Variants in HIRA observed in about 807,000 individuals in gnomAD.
The protein encoded by HIRA is protein HIRA.
A neutral mutation model predicts 126.6 loss-of-function variants in HIRA; 13 were observed. That is an observed-to-expected ratio of 0.10 (90% CI 0.07 to 0.16). The LOEUF (loss-of-function observed/expected upper bound fraction) is 0.16. Among genes scored for constraint, HIRA ranks in the 10% least tolerant of loss-of-function variants. The pLI, the probability that HIRA is intolerant of heterozygous loss-of-function variation, is 1.00. For synonymous variants in HIRA, 511 were observed against 520.0 expected, an observed-to-expected ratio of 0.98 and a Z score of 0.24; for missense variants, 834 against 1,314.4, an observed-to-expected ratio of 0.63 and a Z score of 5.65.
chr22:19,376,463 C>T (rs1393830015), intron 14 of HIRA, among the ~76,000 whole-genome samples: 2 of 152,176 alleles, frequency 1.3e-5, no homozygotes, highest in African/African-American at 4.8e-5. Context: ...CTAACACCTT[C>T]CACTCCTATC....
chr22:19,406,031 T>G (rs1393497241), intron 4 of HIRA, 151 bp from the exon 5 acceptor site: 5 of 425,750 alleles, frequency 1.2e-5, no homozygotes, highest in Non-Finnish European at 1.7e-5. Context: ...AAGGGGCTGG[T>G]TAGGTGAATT....
chr22:19,395,248 G>C (rs953806053), intron 7 of HIRA, among the ~76,000 whole-genome samples: 2 of 152,282 alleles, frequency 1.3e-5, no homozygotes, highest in Non-Finnish European at 2.9e-5. Context: ...TTAAGATCAT[G>C]ACCTCACAGC....
intron 13 of HIRA, among the ~76,000 whole-genome samples, chr22:19,382,209 T>C (rs2089079972): frequency 1.3e-5 from 2 of 152,186 alleles, no homozygotes; most frequent in African/African-American, 4.8e-5. Context: ...GTCCTGATGC[T>C]AGAAATATGC....
At chr22:19,361,411 A>AGGCTG in intron 16 of HIRA, 70 bp from the exon 17 acceptor site, 4 of 1,338,032 alleles carry the variant, frequency 3.0e-6, no homozygotes, top group Non-Finnish European at 4.3e-6. Context: ...AAGGCAGGTC[A>AGGCTG]CCCAGAAGTG....
intron 24 of HIRA, among the ~76,000 whole-genome samples, chr22:19,335,775 C>T (rs1210194294): frequency 1.2e-4 from 18 of 152,070 alleles, no homozygotes; most frequent in Admixed American, 1.2e-3. Flanking sequence ...CATAATAAAC[C>T]CAAATATCTG....
At chr22:19,390,625 A>AAAAAAAAAAAAAG (rs1569304503) in intron 9 of HIRA, among the ~76,000 whole-genome samples, 2 of 148,556 alleles carry the variant, frequency 1.3e-5, no homozygotes, top group Non-Finnish European at 3.0e-5. Context: ...AAAAAAAAAA[A>AAAAAAAAAAAAAG]AAGAAGCTGA....
intron 3 of HIRA, among the ~76,000 whole-genome samples, chr22:19,407,793 ACT>A (rs1184817197): frequency 2.6e-5 from 4 of 152,118 alleles, no homozygotes; most frequent in Non-Finnish European, 4.4e-5. Flanking sequence ...AGATTGACTG[ACT>A]CTGCGCTTAT....
At chr22:19,387,623 CAAG>C (rs1380147273) in intron 11 of HIRA, 85 bp downstream of exon 11, 4 of 872,708 alleles carry the variant, frequency 4.6e-6, no homozygotes, top group African/African-American at 3.3e-5. Flanking sequence ...GTGTATCTCA[CAAG>C]AAGAGGGTGT....
intron 15 of HIRA, 139 bp downstream of exon 15, chr22:19,375,492 G>C: frequency 1.2e-6 from 1 of 839,100 alleles, no homozygotes; most frequent in Non-Finnish European, 1.8e-6. Context: ...GGGCTCTGCA[G>C]TCTTGCTCCC....
At chr22:19,368,190 G>A (rs1290587326) in intron 15 of HIRA, among the ~76,000 whole-genome samples, 2 of 152,128 alleles carry the variant, frequency 1.3e-5, no homozygotes, top group African/African-American at 4.8e-5. Context: ...TTCCCTGCTA[G>A]TCACCTGGGT....
At chr22:19,390,625 A>AAAAAAAAAAAAAAAAAAG in intron 9 of HIRA, among the ~76,000 whole-genome samples, 1 of 148,558 alleles carries the variant, frequency 6.7e-6, no homozygotes, top group African/African-American at 2.5e-5. Flanking sequence ...AAAAAAAAAA[A>AAAAAAAAAAAAAAAAAAG]AAGAAGCTGA....
chr22:19,417,970 C>T (rs1450594869), intron 1 of HIRA, among the ~76,000 whole-genome samples: 1 of 152,106 alleles, frequency 6.6e-6, no homozygotes, highest in African/African-American at 2.4e-5. Context: ...ACCTCAAAGA[C>T]ATTATGGTAA....
chr22:19,332,763 C>A (rs2088505743), intron 24 of HIRA, among the ~76,000 whole-genome samples: 1 of 145,090 alleles, frequency 6.9e-6, no homozygotes. Context: ...CAACCTAAAG[C>A]CATCAGGGGA....
At chr22:19,417,005 G>A (rs1385995356) in intron 1 of HIRA, among the ~76,000 whole-genome samples, 1 of 151,558 alleles carries the variant, frequency 6.6e-6, no homozygotes, top group African/African-American at 2.4e-5. Flanking sequence ...TTCAAGACCA[G>A]CCTGGCCAAC....
At chr22:19,380,535 G>C (rs191683490) in intron 13 of HIRA, among the ~76,000 whole-genome samples, 2 of 152,166 alleles carry the variant, frequency 1.3e-5, no homozygotes, top group African/African-American at 2.4e-5. Context: ...ATTTCTGGTG[G>C]GGCTAGTCTT....
At chr22:19,379,749 A>T (rs1191816235) in intron 13 of HIRA, among the ~76,000 whole-genome samples, 1 of 150,068 alleles carries the variant, frequency 6.7e-6, no homozygotes, top group Non-Finnish European at 1.5e-5. Flanking sequence ...AATCATTTAC[A>T]TATTAAAAAA....
intron 24 of HIRA, among the ~76,000 whole-genome samples, chr22:19,345,390 A>T (rs2088674852): frequency 6.6e-6 from 1 of 152,186 alleles, no homozygotes; most frequent in Non-Finnish European, 1.5e-5. Flanking sequence ...GGCTCTCAGT[A>T]AAGGATGGTT....
At chr22:19,427,286 C>T (rs1402592764) in intron 1 of HIRA, among the ~76,000 whole-genome samples, 4 of 152,188 alleles carry the variant, frequency 2.6e-5, no homozygotes, top group Non-Finnish European at 4.4e-5. Flanking sequence ...AAAGCAACTG[C>T]CATGTTTATC....
Position 19,353,458 on chromosome 22 carries a change from G to T in HIRA, c.2746C>A (p.Leu916Met). 6.2e-7 allele frequency: 1 copy of T among 1,613,014 alleles called. No individual in the cohort carries two copies. ...VPHVVQQETT[L>M]AYLENQVAAA... is the part of the protein sequence containing the mutation. ...GCCACCTGGTTCTCTAGGTAGGCCAGGGTGGTCTCTTGCTGCACCACATGA... is the reference window on the plus strand; with the variant it reads ...GCCACCTGGTTCTCTAGGTAGGCCATGGTGGTCTCTTGCTGCACCACATGA... Residue 916 changes from leucine (L) to methionine (M), a missense_variant, in exon 23 of 25, where the codon CTG (leucine) becomes ATG (methionine). Transcript: ENST00000263208.
Sources: allele counts gnomAD v4.1 joint callset (sites outside exome capture counted in the v4.1 genomes callset), GRCh38; gene constraint gnomAD v4.1.1; transcripts MANE v1.5; gene names NCBI Gene and HGNC (gene_info 2026-07-23, HGNC 2026-07-21).